AGPS: variants seen among roughly 807,000 people sequenced by gnomAD.
The protein encoded by AGPS is alkyldihydroxyacetonephosphate synthase, peroxisomal.
In AGPS, 26 loss-of-function variants were observed where a neutral mutation model predicts 90.7. That is an observed-to-expected ratio of 0.29 (90% CI 0.21 to 0.40). AGPS has a LOEUF of 0.40. Among genes scored for constraint, AGPS ranks in the 10% least tolerant of loss-of-function variants. The pLI, the probability that AGPS is intolerant of heterozygous loss-of-function variation, is 1.00. For missense variants in AGPS, 540 were observed against 816.1 expected, an observed-to-expected ratio of 0.66 and a Z score of 4.12; for synonymous variants, 294 against 285.3, an observed-to-expected ratio of 1.03 and a Z score of -0.31.
chr2:177,431,922 AG>A (rs1214485914), intron 2 of AGPS, among the ~76,000 whole-genome samples: 4 of 152,236 alleles, frequency 2.6e-5, no homozygotes, highest in African/African-American at 9.6e-5. Flanking sequence ...GATTAAAGGC[AG>A]GCATAAGAAA....
chr2:177,440,979 G>A lies in AGPS; in HGVS notation c.652G>A (p.Val218Ile). ...TTTTTCAACAGCATGCCATGATGAT[G>A]TAGTTAAGATTGTGAATCTAGCTTG... ...IVLWPTCHDD[V>I]VKIVNLACKY... Residue 218 changes from valine (V) to isoleucine (I), a missense_variant, in exon 6 of 20, where the codon GTA becomes ATA. Physicochemically the swap from Val to Ile is conservative, Grantham distance 29. Around this residue, in one of 2 missense-constraint regions of AGPS, gnomAD observed 405 missense variants for 692.1 expected, o/e 0.59. Coordinates refer to ENST00000264167, the MANE Select transcript of AGPS (RefSeq NM_003659.4). 1 of 1,612,636 alleles carries A rather than the reference G, an allele frequency of 6.2e-7. No homozygotes were observed. Among genetic ancestry groups the A allele is most frequent in the East Asian group, 2.2e-5 (1 of 44,704 alleles).
intron 15 of AGPS, among the ~76,000 whole-genome samples, chr2:177,505,879 CTGT>C: frequency 6.6e-6 from 1 of 151,878 alleles, no homozygotes; most frequent in East Asian, 1.9e-4. Flanking sequence ...TAAAATCAAG[CTGT>C]TTTACTTAGC....
chr2:177,409,300 G>C (rs897655944), intron 1 of AGPS, among the ~76,000 whole-genome samples: 1 of 151,958 alleles, frequency 6.6e-6, no homozygotes, highest in Non-Finnish European at 1.5e-5. Flanking sequence ...GAGACCCAAA[G>C]GGGGTTGCCA....
intron 2 of AGPS, among the ~76,000 whole-genome samples, chr2:177,433,162 A>G (rs1262761997): frequency 6.6e-6 from 1 of 152,240 alleles, no homozygotes; most frequent in African/African-American, 2.4e-5. Context: ...CTTTCATTTT[A>G]TAAATATATA....
intron 8 of AGPS, among the ~76,000 whole-genome samples, chr2:177,453,495 T>C (rs1037942875): frequency 6.6e-6 from 1 of 151,870 alleles, no homozygotes; most frequent in African/African-American, 2.4e-5. Flanking sequence ...GGTCTAAAAC[T>C]CCTGACCTCT....
At chr2:177,465,345 A>G (rs1362409192) in intron 9 of AGPS, among the ~76,000 whole-genome samples, 1 of 151,958 alleles carries the variant, frequency 6.6e-6, no homozygotes, top group Admixed American at 6.6e-5. Context: ...AACACTTTTA[A>G]CATCTTCGTA....
At chr2:177,420,408 T>C in intron 2 of AGPS, 50 bp downstream of exon 2, 1 of 1,378,164 alleles carries the variant, frequency 7.3e-7, no homozygotes, top group Admixed American at 1.7e-5. Context: ...TCTTTCTTTC[T>C]ATGAAAAATT....
intron 1 of AGPS, among the ~76,000 whole-genome samples, chr2:177,397,148 A>T (rs1685203586): frequency 6.6e-6 from 1 of 151,986 alleles, no homozygotes; most frequent in African/African-American, 2.4e-5. Flanking sequence ...CATCTTGGCC[A>T]GGCTGGTCTC....
chr2:177,492,475 C>T (rs1212615283), intron 11 of AGPS, among the ~76,000 whole-genome samples: 4 of 152,006 alleles, frequency 2.6e-5, no homozygotes, highest in Non-Finnish European at 5.9e-5. Context: ...AAGTATCAAC[C>T]CAACTACAAA....
intron 10 of AGPS, among the ~76,000 whole-genome samples, chr2:177,473,531 G>A (rs1474649195): frequency 6.6e-6 from 1 of 151,936 alleles, no homozygotes; most frequent in Non-Finnish European, 1.5e-5. Context: ...TTGCCATGGA[G>A]TTATTTGGAA....
chr2:177,486,737 A>ATATATTTTTTTTTTTTTTT (rs1553515691), intron 11 of AGPS, among the ~76,000 whole-genome samples: 1 of 129,302 alleles, frequency 7.7e-6, no homozygotes, highest in African/African-American at 2.6e-5. Context: ...CTATATGTAT[A>ATATATTTTTTTTTTTTTTT]TTTTTATTAC....
intron 1 of AGPS, among the ~76,000 whole-genome samples, chr2:177,407,188 A>T (rs1181394910): frequency 6.6e-6 from 1 of 152,184 alleles, no homozygotes; most frequent in Non-Finnish European, 1.5e-5. Flanking sequence ...GATTAAAGTG[A>T]GAAGGAAATA....
intron 10 of AGPS, among the ~76,000 whole-genome samples, chr2:177,478,261 T>C (rs535917023): frequency 6.6e-6 from 1 of 152,320 alleles, no homozygotes; most frequent in East Asian, 1.9e-4. Flanking sequence ...ATTTTTCTCT[T>C]GCTGTTTTCA....
At chr2:177,468,372 A>G (rs775605546) in intron 9 of AGPS, 44 bp from the exon 10 acceptor site, 1 of 1,179,382 alleles carries the variant, frequency 8.5e-7, no homozygotes, top group Non-Finnish European at 1.3e-6. Flanking sequence ...ACACACATTC[A>G]CTAACAGATG....
intron 7 of AGPS, 68 bp from the exon 8 acceptor site, chr2:177,445,478 G>A (rs1686742695): frequency 1.5e-6 from 2 of 1,342,732 alleles, no homozygotes; most frequent in South Asian, 2.4e-5. Flanking sequence ...TTTGAATTAG[G>A]AAGTTATATT....
At chr2:177,434,996 G>GA (rs1559044446) in intron 3 of AGPS, among the ~76,000 whole-genome samples, 1 of 2,960 alleles carries the variant, frequency 3.4e-4, no homozygotes, top group South Asian at 0.012. Flanking sequence ...TTAAACTGTA[G>GA]GTATATATAT....
intron 15 of AGPS, among the ~76,000 whole-genome samples, chr2:177,507,193 C>T (rs7595576): frequency 0.85 from 128,191 of 151,574 alleles, 54,405 homozygotes; most frequent in East Asian, 0.98. Flanking sequence ...TTGTTTTTTT[C>T]CCCAAACACA....
chr2:177,419,182 T>G (rs368336807), intron 1 of AGPS, among the ~76,000 whole-genome samples: 1 of 151,878 alleles, frequency 6.6e-6, no homozygotes, highest in East Asian at 1.9e-4. Context: ...GAAAAGCCTT[T>G]GAACTAGAAC....
intron 8 of AGPS, among the ~76,000 whole-genome samples, chr2:177,458,039 G>A (rs1361289134): frequency 2.0e-5 from 3 of 152,134 alleles, no homozygotes; most frequent in South Asian, 2.1e-4. Flanking sequence ...TTCAACATAT[G>A]CAAATAAATC....
Sources: gnomAD v4.1 joint callset for allele counts (sites outside exome capture counted in the v4.1 genomes callset) on GRCh38, gnomAD v4.1.1 for gene constraint, gnomAD v4.1.1 regional missense constraint, MANE v1.5 for transcripts, NCBI Gene and HGNC (gene_info 2026-07-23, HGNC 2026-07-21) for gene names.